The following GTF2H1 variants were observed in gnomAD, a reference collection of about 807,000 sequenced individuals.
GTF2H1 encodes the protein BTF2 p62.
A neutral mutation model predicts 71.2 loss-of-function variants in GTF2H1; 16 were observed. The ratio of observed to expected loss-of-function variants is 0.22; its 90% CI spans 0.15 to 0.34. The LOEUF (loss-of-function observed/expected upper bound fraction) is 0.34, where lower values mean the gene tolerates loss of function less well. Among genes scored for constraint, GTF2H1 ranks in the 10% least tolerant of loss-of-function variants. The pLI is 1.00. For missense variants in GTF2H1, 498 were observed against 648.2 expected, an observed-to-expected ratio of 0.77 and a Z score of 2.52; for synonymous variants, 215 against 219.0, an observed-to-expected ratio of 0.98 and a Z score of 0.16.
chr11:18,331,144 C>T (rs1004692885), intron 1 of GTF2H1, among the ~76,000 whole-genome samples: 2 of 152,124 alleles, frequency 1.3e-5, no homozygotes, highest in South Asian at 4.1e-4. Context: ...GCCTCCTGGG[C>T]TCAAGCGATT....
chr11:18,347,566 T>C, intron 7 of GTF2H1, 22 bp from the exon 8 acceptor site: 2 of 1,526,982 alleles, frequency 1.3e-6, no homozygotes, highest in South Asian at 2.6e-5. Context: ...TTAAAAAATT[T>C]TTAATCTATT....
chr11:18,342,096 G>A (rs995872373), intron 7 of GTF2H1: 11 of 152,852 alleles, frequency 7.2e-5, no homozygotes, highest in African/African-American at 2.7e-4. Flanking sequence ...CAGACCTACA[G>A]ATTTATCTAC....
intron 7 of GTF2H1, among the ~76,000 whole-genome samples, chr11:18,345,018 CTTTTTT>C (rs11345271): frequency 6.8e-6 from 1 of 147,112 alleles, no homozygotes; most frequent in African/African-American, 2.5e-5. Flanking sequence ...CATCTCTAAA[CTTTTTT>C]TTTTTTTAAT....
intron 7 of GTF2H1, among the ~76,000 whole-genome samples, chr11:18,343,133 G>A (rs952569725): frequency 6.6e-6 from 1 of 152,182 alleles, no homozygotes; most frequent in African/African-American, 2.4e-5. Context: ...TGTTGGCCGG[G>A]CTGATCTTGA....
chr11:18,345,337 T>C (rs956698911), intron 7 of GTF2H1, among the ~76,000 whole-genome samples: 29 of 152,190 alleles, frequency 1.9e-4, no homozygotes, highest in Admixed American at 1.6e-3. Context: ...TCAAAAAATA[T>C]TGTGTTTACC....
At chr11:18,365,480 CG>C (rs1464080617) in intron 14 of GTF2H1, among the ~76,000 whole-genome samples, 2 of 152,188 alleles carry the variant, frequency 1.3e-5, no homozygotes, top group Admixed American at 6.5e-5. Context: ...TCAGACCCCT[CG>C]TTTGACAGAA....
chr11:18,363,766 G>A (rs75037758), intron 14 of GTF2H1, among the ~76,000 whole-genome samples: 2,032 of 152,112 alleles, frequency 0.013, 63 homozygotes, highest in East Asian at 0.13. Context: ...ACTGCTTGGA[G>A]TGCTGTGTTG....
chr11:18,327,907 A>T (rs1316534293), intron 1 of GTF2H1, among the ~76,000 whole-genome samples: 5 of 152,164 alleles, frequency 3.3e-5, no homozygotes, highest in Admixed American at 2.6e-4. Context: ...AGATTTTTTT[A>T]AATTTAAGAA....
chr11:18,331,670 A>G (rs1159091234), intron 1 of GTF2H1, among the ~76,000 whole-genome samples: 1 of 152,042 alleles, frequency 6.6e-6, no homozygotes, highest in African/African-American at 2.4e-5. Context: ...CCGTCTCAAA[A>G]AAAAAGAGGT....
At chr11:18,353,521 T>C (rs2133982655) in intron 11 of GTF2H1, among the ~76,000 whole-genome samples, 1 of 152,358 alleles carries the variant, frequency 6.6e-6, no homozygotes, top group Non-Finnish European at 1.5e-5. Context: ...GCTCTTTCTC[T>C]TTAGAATTCC....
intron 2 of GTF2H1, among the ~76,000 whole-genome samples, chr11:18,335,500 G>A (rs1405782024): frequency 1.3e-5 from 2 of 152,200 alleles, no homozygotes; most frequent in African/African-American, 4.8e-5. Flanking sequence ...AATATCTGGA[G>A]GTAGTAGCAG....
At chr11:18,337,680 T>A (rs888285444) in intron 3 of GTF2H1, among the ~76,000 whole-genome samples, 1 of 133,240 alleles carries the variant, frequency 7.5e-6, no homozygotes, top group African/African-American at 3.0e-5. Flanking sequence ...TTACAAATAG[T>A]TATTATTATA....
At position 18,360,630 on chromosome 11, in the gene GTF2H1, A is replaced by C. The variant is rs1865673330; in HGVS notation, c.1483A>C (p.Ser495Arg). The C allele has an allele frequency of 1.3e-6, 2 of 1,531,480 alleles. No individual in the cohort carries two copies. The highest frequency in any genetic ancestry group is 2.5e-5 in the South Asian group (2 of 79,354). 94.9% of individuals were successfully genotyped at this position (1,531,480 alleles called of 1,614,324 possible). Residue 495 changes from serine (S) to arginine (R), a missense_variant, in exon 14 of 15, where the codon AGT becomes CGT. Around this residue, in one of 3 missense-constraint regions of GTF2H1, gnomAD observed 266 missense variants for 301.6 expected, o/e 0.88. Coordinates refer to ENST00000265963, the MANE Select transcript of GTF2H1 (RefSeq NM_005316.4). Reference protein sequence around the residue: ...FLEEKVVKMKSNLERFQVTKL... With the variant: ...FLEEKVVKMKRNLERFQVTKL... ...TCTTTTTTAGGTAGTGAAAATGAAA[A>C]GTAATTTGGAACGATTCCAAGTTAC... is the stretch of plus-strand genomic sequence containing the variant.
At chr11:18,364,968 G>A (rs373364985) in intron 14 of GTF2H1, among the ~76,000 whole-genome samples, 8 of 151,244 alleles carry the variant, frequency 5.3e-5, no homozygotes, top group African/African-American at 1.5e-4. Context: ...AGCAGCTCAC[G>A]CCTGTAATCC....
intron 7 of GTF2H1, among the ~76,000 whole-genome samples, chr11:18,343,514 C>T (rs1865211286): frequency 6.6e-6 from 1 of 152,118 alleles, no homozygotes; most frequent in South Asian, 2.1e-4. Flanking sequence ...AGGCTATGAT[C>T]TATGGCCTCC....
At chr11:18,358,174 A>G in intron 12 of GTF2H1, 132 bp downstream of exon 12, 2 of 656,428 alleles carry the variant, frequency 3.0e-6, no homozygotes, top group Non-Finnish European at 5.4e-6. Context: ...ATTTGTTTTT[A>G]TACATTCAGA....
intron 1 of GTF2H1, among the ~76,000 whole-genome samples, chr11:18,323,407 C>G (rs1864609822): frequency 6.6e-6 from 1 of 152,014 alleles, no homozygotes; most frequent in Non-Finnish European, 1.5e-5. Context: ...AGCGATTCTC[C>G]TGCCTAGACC....
intron 5 of GTF2H1, among the ~76,000 whole-genome samples, chr11:18,340,545 C>T (rs1865132879): frequency 6.6e-6 from 1 of 152,182 alleles, no homozygotes; most frequent in East Asian, 1.9e-4. Context: ...GCCTCAGCCT[C>T]CCAAAGTGCT....
intron 11 of GTF2H1, among the ~76,000 whole-genome samples, chr11:18,356,705 C>T (rs1462656461): frequency 3.9e-5 from 6 of 152,030 alleles, no homozygotes; most frequent in African/African-American, 9.7e-5. Context: ...CCACCTCAGC[C>T]TCCTGAGTCA....
Sources: gnomAD v4.1 joint callset for allele counts (sites outside exome capture counted in the v4.1 genomes callset) on GRCh38, gnomAD v4.1.1 for gene constraint, gnomAD v4.1.1 regional missense constraint, MANE v1.5 for transcripts, NCBI Gene and HGNC (gene_info 2026-07-23, HGNC 2026-07-21) for gene names.